CAD: variants seen among roughly 807,000 people sequenced by gnomAD.
CAD encodes carbamoyl-phosphate synthetase 2, aspartate transcarbamylase, and dihydroorotase.
Under a neutral mutation model 237.2 loss-of-function variants are expected in CAD, and 81 were observed. That is an observed-to-expected ratio of 0.34 (90% CI 0.29 to 0.41). CAD has a LOEUF of 0.41. CAD is among the 10% of genes least tolerant of loss of function. The probability of loss-of-function intolerance (pLI) is 1.00; values close to 1 mark genes in which losing one functional copy is unlikely to be tolerated. For synonymous variants in CAD, 1,196 were observed against 1,162.8 expected, an observed-to-expected ratio of 1.03 and a Z score of -0.58; for missense variants, 2,181 against 2,951.7, an observed-to-expected ratio of 0.74 and a Z score of 6.05.
At position 27,236,451 on chromosome 2, in the gene CAD, C is replaced by T; in HGVS notation, c.4242C>T (p.Arg1414=). The change falls in exon 26 of 44, where the codon CGC becomes CGT. Residue 1414 remains arginine (R), a synonymous_variant. Coordinates refer to ENST00000264705, the MANE Select transcript of CAD (RefSeq NM_004341.5). This position sits in a 1 kb window ranked among gnomAD's most constrained non-coding sequence, Gnocchi z 4.1. ...RLSSFVTKGY[R]TRRLAADFSV... is the part of the protein sequence containing the mutation. ...CTTCCTTTGTCACCAAGGGCTACCG[C>T]ACCCGACGCTTGGCCGCTGACTTCT... 6.2e-7 allele frequency: 1 copy of T among 1,614,130 alleles called. No individual in the cohort carries two copies. Among genetic ancestry groups the T allele is most frequent in the Non-Finnish European group, 8.5e-7 (1 of 1,180,032 alleles).
intron 2 of CAD, among the ~76,000 whole-genome samples, chr2:27,218,805 C>A (rs1269195476): frequency 6.6e-6 from 1 of 152,170 alleles, no homozygotes; most frequent in African/African-American, 2.4e-5. Context: ...GGAAGTCAAT[C>A]TGGCCTAGAG....
Position 27,242,321 on chromosome 2 carries a change from G to A in CAD, c.6116G>A (p.Arg2039Gln), listed in dbSNP as rs1433885288. The A allele has an allele frequency of 9.3e-6, 15 of 1,612,532 alleles. No individual in the cohort carries two copies. The highest frequency in any genetic ancestry group is 1.3e-5 in the African/African-American group (1 of 74,870). ...TTCCAGCTGGCCGCCAAGCACTGCC[G>A]GAGGCCAGTGATCAATGCTGGGGAT... ...GAVELAAKHC[R>Q]RPVINAGDGV... The change falls in exon 40 of 44, where the codon CGG becomes CAG. Residue 2039 changes from arginine (R) to glutamine (Q), a missense_variant. Coordinates refer to ENST00000264705, the MANE Select transcript of CAD (RefSeq NM_004341.5). This position sits in a 1 kb window ranked among gnomAD's most constrained non-coding sequence, Gnocchi z 6.4.
Position 27,237,375 on chromosome 2 carries a change from C to T in CAD, c.4397-4C>T, listed in dbSNP as rs767648878. 13 of 1,613,818 alleles carry T rather than the reference C, an allele frequency of 8.1e-6. No homozygotes were observed. The South Asian group carries it at 1.3e-4, about 16-fold the overall frequency. ...GTAATCTTGCTGCTTCCATTTTCTC[C>T]CAGGATTGATTGATGTCCATGTGCA... On this transcript the variant is annotated splice_region_variant and splice_polypyrimidine_tract_variant and intron_variant, in intron 27 of 43. Coordinates refer to ENST00000264705, the MANE Select transcript of CAD (RefSeq NM_004341.5). The surrounding 1 kb of genome is among the most constrained non-coding windows in gnomAD (Gnocchi z 4.0).
Position 27,223,602 on chromosome 2 carries a change from G to C in CAD, c.849G>C (p.Val283=). The C allele has an allele frequency of 1.1e-5, 17 of 1,613,548 alleles. No homozygotes were observed. Among genetic ancestry groups the C allele is most frequent in the Non-Finnish European group, 1.4e-5 (17 of 1,180,028 alleles). Reference sequence around the variant, plus strand: ...GCCATAACCAGCCCTGCTTGTTGGTGGGCTCTGGGCGCTGCTTTCTGACAT... The same window carrying C: ...GCCATAACCAGCCCTGCTTGTTGGTCGGCTCTGGGCGCTGCTTTCTGACAT... ...NRGHNQPCLL[V]GSGRCFLTSQ... The change falls in exon 7 of 44, where the codon GTG becomes GTC. Residue 283 remains valine (V), a synonymous_variant. Coordinates refer to ENST00000264705, the MANE Select transcript of CAD (RefSeq NM_004341.5).
Position 27,225,944 on chromosome 2 carries a change from G to T in CAD, c.1842+18G>T. 1.2e-6 allele frequency: 2 copies of T among 1,607,842 alleles called. No homozygotes were observed. On this transcript the variant is annotated intron_variant, in intron 12 of 43. Transcript: ENST00000264705. ...GTGTCACGGTGAGTGAATGGGGGAA[G>T]GGTGGGCGTCGTGTCAGGCAGGATG...
Position 27,226,110 on chromosome 2 carries a change from C to T in CAD, c.1843-21C>T, listed in dbSNP as rs1675435500. On this transcript the variant is annotated intron_variant, in intron 12 of 43. Coordinates refer to ENST00000264705, the MANE Select transcript of CAD (RefSeq NM_004341.5). ...TCCTGACTCTGCTTGGCAGTGACCT[C>T]CATGGCACCCCCCTTCACAGGTGTG... is the stretch of plus-strand genomic sequence containing the variant. 7 of 1,611,374 alleles carry T rather than the reference C, an allele frequency of 4.3e-6. No homozygotes were observed. The East Asian group carries it at 1.3e-4, about 31-fold the overall frequency.
chr2:27,218,461 GT>G (rs1179424871), intron 2 of CAD, among the ~76,000 whole-genome samples: 3 of 151,412 alleles, frequency 2.0e-5, no homozygotes, highest in Admixed American at 6.6e-5. Flanking sequence ...TCCATTGAAG[GT>G]TTTTTTTTAG....
rs554531935 is a variant in CAD at position 27,229,029 on chromosome 2, C to G, written c.2287+2067C>G. Among the ~76,000 whole-genome samples, 6 of 151,596 alleles carry G rather than the reference C, an allele frequency of 4.0e-5. No individual in the cohort carries two copies. The South Asian group carries it at 1.3e-3, about 32-fold the overall frequency. The stretch of plus-strand genomic sequence containing the variant: ...TGCCTCCCAGGTTCAAGCGATTCAC[C>G]TGCCTCAGCCTCCTGAGTAGCTGGG... On this transcript the variant is annotated intron_variant, in intron 15 of 43. Coordinates refer to ENST00000264705, the MANE Select transcript of CAD (RefSeq NM_004341.5).
In CAD at chr2:27,223,764, T is replaced by G. The variant is rs754965506; in HGVS notation, c.995+16T>G. ...CTTTCTTCAGGTGAGCCTGGTTGAC[T>G]GGGTCTGTGAAAATTTGAAGCCCTG... On this transcript the variant is annotated intron_variant, in intron 7 of 43. Transcript: ENST00000264705. 1 of 1,612,708 alleles carries G rather than the reference T, an allele frequency of 6.2e-7. No homozygotes were observed. Among genetic ancestry groups the G allele is most frequent in the Non-Finnish European group, 8.5e-7 (1 of 1,178,826 alleles).
At chr2:27,231,897 T>A in intron 16 of CAD, 83 bp from the exon 17 acceptor site, 2 of 1,542,512 alleles carry the variant, frequency 1.3e-6, no homozygotes, top group East Asian at 2.2e-5. Context: ...AGTTTCCCCT[T>A]CCTGAGACAA....
rs146747331 is a variant in CAD at position 27,222,925 on chromosome 2, G to A, written c.697G>A (p.Val233Ile). The A allele has an allele frequency of 7.2e-5, 116 of 1,613,954 alleles. No individual in the cohort carries two copies. The highest frequency in any genetic ancestry group is 5.6e-4 in the East Asian group (25 of 44,892). ...PGDPASYPSV[V>I]STLSRVLSEP... Reference sequence around the variant, plus strand: ...TGACCCTGCCTCCTATCCCAGTGTCGTATCCACACTGAGCCGTGTTTTATC... The same window carrying A: ...TGACCCTGCCTCCTATCCCAGTGTCATATCCACACTGAGCCGTGTTTTATC... The change falls in exon 6 of 44, where the codon GTA becomes ATA. Residue 233 changes from valine (V) to isoleucine (I), a missense_variant. Coordinates refer to ENST00000264705, the MANE Select transcript of CAD (RefSeq NM_004341.5).
chr2:27,232,414 T>C lies in CAD; in HGVS notation c.2646-34T>C, dbSNP rs748120399. 5.0e-6 allele frequency: 8 copies of C among 1,613,160 alleles called. No individual in the cohort carries two copies. Among genetic ancestry groups the C allele is most frequent in the Admixed American group, 3.3e-5 (2 of 59,988 alleles). On this transcript the variant is annotated intron_variant, in intron 17 of 43. Coordinates refer to ENST00000264705, the MANE Select transcript of CAD (RefSeq NM_004341.5). This position sits in a 1 kb window ranked among gnomAD's most constrained non-coding sequence, Gnocchi z 4.1. ...CTCTATCAGTCTGTACCCTACTCTC[T>C]GGGCCTGTGTTTCAGACCCTTTTTC...
In CAD at chr2:27,233,937, G is replaced by A. The variant is rs1002937039; in HGVS notation, c.3400-71G>A. On this transcript the variant is annotated intron_variant, in intron 21 of 43. Transcript: ENST00000264705. The surrounding 1 kb of genome is among the most constrained non-coding windows in gnomAD (Gnocchi z 6.3). ...GTGGGCTATGTGGGGCTCGTTAAAGGAAGAGACAATCCTAGAGTAAGTGAG... is the reference window on the plus strand; with the variant it reads ...GTGGGCTATGTGGGGCTCGTTAAAGAAAGAGACAATCCTAGAGTAAGTGAG... 1.3e-6 allele frequency: 2 copies of A among 1,553,648 alleles called. No individual in the cohort carries two copies. Among genetic ancestry groups the A allele is most frequent in the Admixed American group, 3.5e-5 (2 of 57,398 alleles).
Position 27,239,099 on chromosome 2 carries a change from T to C in CAD, c.5120T>C (p.Leu1707Ser), listed in dbSNP as rs1676169108. 2.5e-6 allele frequency: 4 copies of C among 1,610,356 alleles called. No individual in the cohort carries two copies. The highest frequency in any genetic ancestry group is 3.4e-6 in the Non-Finnish European group (4 of 1,178,196). ...GSRPPPGFPGLETMLPLLLTA... is the reference protein window; with the variant it reads ...GSRPPPGFPGSETMLPLLLTA... ...AGGCCCCCACCTGGGTTCCCAGGGT[T>C]AGAGACCATGCTGCCACTACTCCTG... The change falls in exon 32 of 44, where the codon TTA (leucine) becomes TCA (serine). Residue 1707 changes from leucine to serine, a missense_variant. Coordinates refer to ENST00000264705, the MANE Select transcript of CAD (RefSeq NM_004341.5). The surrounding 1 kb of genome is among the most constrained non-coding windows in gnomAD (Gnocchi z 4.0).
Position 27,239,136 on chromosome 2 carries a change from C to T in CAD, c.5157C>T (p.Ser1719=), listed in dbSNP as rs142962901. 187 of 1,613,416 alleles carry T rather than the reference C, an allele frequency of 1.2e-4. No homozygotes were observed. The highest frequency in any genetic ancestry group is 1.1e-3 in the African/African-American group (83 of 75,016). ...TGCCACTACTCCTGACGGCTGTAAG[C>T]GAGGGCCGGCTCAGCCTGGACGACC... ...TMLPLLLTAV[S]EGRLSLDDLL... The change falls in exon 32 of 44, where the codon AGC becomes AGT. Residue 1719 remains serine (S), a synonymous_variant. Coordinates refer to ENST00000264705, the MANE Select transcript of CAD (RefSeq NM_004341.5). This position sits in a 1 kb window ranked among gnomAD's most constrained non-coding sequence, Gnocchi z 4.0.
chr2:27,232,168 G>T lies in CAD; in HGVS notation c.2589G>T (p.Leu863=), dbSNP rs1485217438. The part of the protein sequence containing the change: ...HRGQPLPPDL[L]QQAKCLGFSD... ...GACAGCCTTTGCCGCCAGACCTGCT[G>T]CAACAGGCCAAGTGTCTTGGCTTCT... is the stretch of plus-strand genomic sequence containing the variant. The change falls in exon 17 of 44, where the codon CTG becomes CTT. Residue 863 remains leucine (L), a synonymous_variant. Transcript: ENST00000264705. The surrounding 1 kb of genome is among the most constrained non-coding windows in gnomAD (Gnocchi z 4.1). 2 of 1,614,144 alleles carry T rather than the reference G, an allele frequency of 1.2e-6. No homozygotes were observed. The highest frequency in any genetic ancestry group is 1.3e-5 in the African/African-American group (1 of 74,950).
rs760066835 is a variant in CAD, at chr2:27,225,099, G to A, written c.1476G>A (p.Gly492=). The change falls in exon 11 of 44, where the codon GGG becomes GGA. Residue 492 remains glycine, a synonymous_variant. Transcript: ENST00000264705. The stretch of plus-strand genomic sequence containing the variant: ...GTGGTGTGGAGCTGACCAAGGCCGG[G>A]GTGCTGGCTCGGTATGGGGTCCGGG... ...LNCGVELTKA[G]VLARYGVRVL... is the part of the protein sequence containing the mutation. The A allele has an allele frequency of 1.9e-6, 3 of 1,614,018 alleles. No individual in the cohort carries two copies. The highest frequency in any genetic ancestry group is 1.1e-5 in the South Asian group (1 of 91,092).
rs1467351277 is a variant in CAD at position 27,242,588 on chromosome 2, G to T, written c.6223-32G>T. Reference sequence around the variant, plus strand: ...ATGATGTCGGGGGGCACTCAGTCTGGGATCCCTGTGGTGACTGGATTCCTC... The same window carrying T: ...ATGATGTCGGGGGGCACTCAGTCTGTGATCCCTGTGGTGACTGGATTCCTC... On this transcript the variant is annotated intron_variant, in intron 40 of 43. Coordinates refer to ENST00000264705, the MANE Select transcript of CAD (RefSeq NM_004341.5). This position sits in a 1 kb window ranked among gnomAD's most constrained non-coding sequence, Gnocchi z 6.4. The T allele has an allele frequency of 6.4e-7, 1 of 1,572,838 alleles. No homozygotes were observed. The highest frequency in any genetic ancestry group is 8.7e-7 in the Non-Finnish European group (1 of 1,155,396).
chr2:27,243,390 CTTT>C lies in CAD; in HGVS notation c.6576-7_6576-5del, dbSNP rs5830040. 33,323 of 1,303,890 alleles carry C rather than the reference CTTT, an allele frequency of 0.026. No individual in the cohort carries two copies. Among genetic ancestry groups the C allele is most frequent in the Non-Finnish European group, 0.029 (27,764 of 964,322 alleles). The allele number at this position is 1,303,890 out of a possible 1,614,324, so 80.8% of individuals were successfully genotyped here. A position where few individuals can be genotyped will look rare whatever the true frequency, so the allele number is the denominator to read the frequency against. On this transcript the variant is annotated intron_variant, in intron 43 of 43. Transcript: ENST00000264705. Reference sequence around the variant, plus strand: ...TCCATGGGCTGCACGATAACACTTCCTTTTTTTTTTTTTTTTTTTTTGCAGCGT... The same window carrying C: ...TCCATGGGCTGCACGATAACACTTCCTTTTTTTTTTTTTTTTTTGCAGCGT...
Sources: allele counts gnomAD v4.1 joint callset (sites outside exome capture counted in the v4.1 genomes callset), GRCh38; gene constraint gnomAD v4.1.1; non-coding constraint Gnocchi (gnomAD v3.1); transcripts MANE v1.5; gene names NCBI Gene and HGNC (gene_info 2026-07-23, HGNC 2026-07-21).